CDH15: variants seen among roughly 807,000 people sequenced by gnomAD.
CDH15 encodes the protein cadherin-15.
In CDH15, 73 loss-of-function variants were observed where a neutral mutation model predicts 69.4. The observed-to-expected ratio is 1.05, with a 90% CI of 0.87 to 1.28. CDH15 has a LOEUF of 1.28. Ranked by LOEUF, CDH15 falls within the 50% of genes most tolerant of loss-of-function variation. The probability of loss-of-function intolerance (pLI) is 0.00; values close to 1 mark genes in which losing one functional copy is unlikely to be tolerated. For synonymous variants in CDH15, 624 were observed against 507.7 expected, an observed-to-expected ratio of 1.23 and a Z score of -3.08; for missense variants, 1,343 against 1,133.6, an observed-to-expected ratio of 1.18 and a Z score of -2.65.
Position 89,193,872 on chromosome 16 carries a change from C to T in CDH15, c.2110C>T (p.Leu704=). 1.9e-6 allele frequency: 3 copies of T among 1,612,186 alleles called. No individual in the cohort carries two copies. The highest frequency in any genetic ancestry group is 2.5e-6 in the Non-Finnish European group (3 of 1,179,816). Residue 704 remains leucine (L), a synonymous_variant, in exon 13 of 14, where the codon CTG becomes TTG. Transcript: ENST00000289746. ...CCTGCACCCCCAGCCACCCCGAGTG[C>T]TGCCCACCAGCCCCCTGGACATCGC... is the stretch of plus-strand genomic sequence containing the variant. ...GRLHPQPPRV[L]PTSPLDIADF...
At chr16:89,189,328 G>A (rs1320779327) in intron 7 of CDH15, among the ~76,000 whole-genome samples, 7 of 47,682 alleles carry the variant, frequency 1.5e-4, no homozygotes, top group Admixed American at 4.0e-4. Context: ...CACACATGCC[G>A]GCACACACAG....
At chr16:89,192,847 G>GC (rs752287714) in intron 11 of CDH15, among the ~76,000 whole-genome samples, 3 of 20,560 alleles carry the variant, frequency 1.5e-4, no homozygotes, top group Admixed American at 4.9e-4. Flanking sequence ...CCCTAACCCC[G>GC]CCCCTCAGTA....
chr16:89,191,368 T>C lies in CDH15; in HGVS notation c.1271T>C (p.Val424Ala). The C allele has an allele frequency of 6.2e-7, 1 of 1,612,340 alleles. No individual in the cohort carries two copies. Residue 424 changes from valine (V) to alanine (A), a missense_variant, in exon 9 of 14, where the codon GTG becomes GCG. Val to Ala is a moderately conservative substitution (Grantham distance 64). Coordinates refer to ENST00000289746, the MANE Select transcript of CDH15 (RefSeq NM_004933.3). ...TACGACCCGGAAGACTGGCTGCAAG[T>C]GGACGCAGCCACTGGCCGGATCCAG... is the stretch of plus-strand genomic sequence containing the variant. ...KDYDPEDWLQ[V>A]DAATGRIQTQ... is the part of the protein sequence containing the mutation.
intron 1 of CDH15, among the ~76,000 whole-genome samples, chr16:89,177,396 A>G (rs1214058381): frequency 1.3e-5 from 2 of 152,224 alleles, no homozygotes; most frequent in Non-Finnish European, 2.9e-5. Flanking sequence ...CAGCAGCCCC[A>G]TGTGGCCTGT....
chr16:89,192,149 AGGCGAAGTGGGGG>A, intron 10 of CDH15, 43 bp from the exon 11 acceptor site: 1 of 1,479,138 alleles, frequency 6.8e-7, no homozygotes, highest in Non-Finnish European at 8.9e-7. Context: ...CGAGGAGGGC[AGGCGAAGTGGGGG>A]CGGCCTCGGG....
chr16:89,178,853 C>T (rs1293110860), intron 1 of CDH15, among the ~76,000 whole-genome samples: 3 of 152,202 alleles, frequency 2.0e-5, no homozygotes, highest in Admixed American at 6.5e-5. Flanking sequence ...CCTCCCCTGC[C>T]GCTCCCCCGG....
chr16:89,178,403 C>T (rs1436061615), intron 1 of CDH15, among the ~76,000 whole-genome samples: 1 of 152,166 alleles, frequency 6.6e-6, no homozygotes, highest in Non-Finnish European at 1.5e-5. Context: ...GAGATGGGCA[C>T]ACCAGGGTCC....
Position 89,185,199 on chromosome 16 carries a change from A to G in CDH15, c.529A>G (p.Thr177Ala). The change falls in exon 5 of 14, where the codon ACA (threonine) becomes GCA (alanine). Residue 177 changes from threonine (T) to alanine (A), a missense_variant. By Grantham distance (58) the Thr-to-Ala change is moderately conservative. Transcript: ENST00000289746. Reference protein sequence around the residue: ...PGTYVTRAEATDADDPETDNA... With the variant: ...PGTYVTRAEAADADDPETDNA... ...CACCTATGTGACCAGGGCAGAGGCC[A>G]CAGATGCCGACGACCCCGAGACGGA... The G allele has an allele frequency of 1.2e-6, 2 of 1,603,824 alleles. No individual in the cohort carries two copies. The highest frequency in any genetic ancestry group is 1.1e-5 in the South Asian group (1 of 89,506).
intron 1 of CDH15, among the ~76,000 whole-genome samples, chr16:89,177,628 T>C (rs1052694731): frequency 6.6e-5 from 10 of 151,982 alleles, no homozygotes; most frequent in African/African-American, 2.4e-4. Context: ...TCCTCCCTCA[T>C]CTCCCTCTCC....
chr16:89,174,726 T>C (rs73258001), intron 1 of CDH15, among the ~76,000 whole-genome samples: 9,395 of 152,112 alleles, frequency 0.062, 955 homozygotes, highest in African/African-American at 0.21. Context: ...GGGGGTGTCA[T>C]TGGGGACCCC....
Position 89,191,702 on chromosome 16 carries a change from G to A in CDH15, c.1423G>A (p.Glu475Lys). Reference protein sequence around the residue: ...ATGTLSIEILEVNDHAPVLAP... With the variant: ...ATGTLSIEILKVNDHAPVLAP... Reference sequence around the variant, plus strand: ...CGGCACCCTGTCCATCGAGATCCTGGAGGTGAACGACCATGCACCTGTGCT... The same window carrying A: ...CGGCACCCTGTCCATCGAGATCCTGAAGGTGAACGACCATGCACCTGTGCT... Residue 475 changes from glutamate (E) to lysine (K), a missense_variant, in exon 10 of 14, where the codon GAG becomes AAG. Glu to Lys is a moderately conservative substitution (Grantham distance 56, BLOSUM62 1). Coordinates refer to ENST00000289746, the MANE Select transcript of CDH15 (RefSeq NM_004933.3). The A allele has an allele frequency of 6.2e-7, 1 of 1,603,016 alleles. No individual in the cohort carries two copies. Among genetic ancestry groups the A allele is most frequent in the Non-Finnish European group, 8.5e-7 (1 of 1,178,616 alleles).
intron 1 of CDH15, among the ~76,000 whole-genome samples, chr16:89,176,599 CT>C (rs1915261288): frequency 6.6e-6 from 1 of 152,134 alleles, no homozygotes; most frequent in Non-Finnish European, 1.5e-5. Context: ...GCCGGCACAC[CT>C]CTGTAGTAGG....
intron 7 of CDH15, 65 bp downstream of exon 7, chr16:89,188,350 A>C: frequency 7.5e-7 from 1 of 1,331,624 alleles, no homozygotes; most frequent in South Asian, 1.2e-5. Context: ...ACAGATGCCC[A>C]CACACAGATG....
chr16:89,179,704 C>A, intron 2 of CDH15, 130 bp downstream of exon 2: 2 of 936,090 alleles, frequency 2.1e-6, no homozygotes, highest in Admixed American at 5.8e-5. Flanking sequence ...CAGGACTCGC[C>A]CACCTTGCCA....
At chr16:89,192,001 C>T (rs1915658137) in intron 10 of CDH15, 107 bp downstream of exon 10, 3 of 1,242,718 alleles carry the variant, frequency 2.4e-6, no homozygotes, top group Non-Finnish European at 2.2e-6. Flanking sequence ...AACCCGTGGT[C>T]CTGCAACAGG....
rs1244169879 is a variant in CDH15 at position 89,179,711 on chromosome 16, G to T, written c.201+137G>T. On this transcript the variant is annotated intron_variant, in intron 2 of 13. Transcript: ENST00000289746. ...AGCTGAGGCAGGACTCGCCCACCTT[G>T]CCAGGGCTCTGGGCTTCCAACCTGG... 67 of 890,816 alleles carry T rather than the reference G, an allele frequency of 7.5e-5. No individual in the cohort carries two copies. In the East Asian group the frequency reaches 1.8e-3, roughly 24 times the overall value. The allele number at this position is 890,816 out of a possible 1,614,324, so 55.2% of individuals were successfully genotyped here. A position where few individuals can be genotyped will look rare whatever the true frequency, so the allele number is the denominator to read the frequency against.
In CDH15 at chr16:89,188,044, C is replaced by T. The variant is rs555586903; in HGVS notation, c.793-56C>T. The T allele has an allele frequency of 1.3e-5, 19 of 1,504,730 alleles. No homozygotes were observed. In the South Asian group the frequency reaches 1.8e-4, roughly 14 times the overall value. The allele number at this position is 1,504,730 out of a possible 1,614,324, so 93.2% of individuals were successfully genotyped here. On this transcript the variant is annotated intron_variant, in intron 6 of 13. Transcript: ENST00000289746. ...GGTGGGCTGAGGGCCCTGAGGGCCC[C>T]ACCCATGCTGTCCCCCCAGCCCTGC...
At position 89,191,710 on chromosome 16, in the gene CDH15, C is replaced by T. The variant is rs559000201; in HGVS notation, c.1431C>T (p.Asn477=). 5.6e-6 allele frequency: 9 copies of T among 1,603,202 alleles called. No individual in the cohort carries two copies. The highest frequency in any genetic ancestry group is 3.3e-5 in the South Asian group (3 of 90,702). Residue 477 remains asparagine (N), a synonymous_variant, in exon 10 of 14, where the codon AAC becomes AAT. Coordinates refer to ENST00000289746, the MANE Select transcript of CDH15 (RefSeq NM_004933.3). ...TGTCCATCGAGATCCTGGAGGTGAA[C>T]GACCATGCACCTGTGCTGGCCCCGC... is the stretch of plus-strand genomic sequence containing the variant. The part of the protein sequence containing the change: ...GTLSIEILEV[N]DHAPVLAPPP...
chr16:89,174,917 C>G (rs756071639), intron 1 of CDH15, among the ~76,000 whole-genome samples: 68 of 152,162 alleles, frequency 4.5e-4, no homozygotes, highest in Non-Finnish European at 9.0e-4. Context: ...ATGTCCCGAT[C>G]TCCCCAGGAC....
Sources: gnomAD v4.1 joint callset for allele counts (sites outside exome capture counted in the v4.1 genomes callset) on GRCh38, gnomAD v4.1.1 for gene constraint, MANE v1.5 for transcripts, NCBI Gene and HGNC (gene_info 2026-07-23, HGNC 2026-07-21) for gene names.